KIF16B: variants seen among roughly 807,000 people sequenced by gnomAD.
KIF16B encodes the protein kinesin-like protein KIF16B.
A neutral mutation model predicts 156.3 loss-of-function variants in KIF16B; 98 were observed. That is an observed-to-expected ratio of 0.63 (90% CI 0.53 to 0.74). KIF16B has a LOEUF of 0.74. KIF16B is among the 30% of genes least tolerant of loss of function. The pLI, the probability that KIF16B is intolerant of heterozygous loss-of-function variation, is 0.00. For missense variants in KIF16B, 1,421 were observed against 1,606.5 expected, an observed-to-expected ratio of 0.88 and a Z score of 1.97; for synonymous variants, 564 against 583.7, an observed-to-expected ratio of 0.97 and a Z score of 0.49.
At chr20:16,358,626 G>A (rs1487603986) in intron 22 of KIF16B, among the ~76,000 whole-genome samples, 2 of 152,182 alleles carry the variant, frequency 1.3e-5, no homozygotes, top group Non-Finnish European at 2.9e-5. Context: ...AACTATGAAC[G>A]CAATGGTACC....
At chr20:16,392,351 TG>T (rs1200821154) in intron 17 of KIF16B, among the ~76,000 whole-genome samples, 1 of 152,186 alleles carries the variant, frequency 6.6e-6, no homozygotes, top group East Asian at 1.9e-4. Context: ...GAAATGTACA[TG>T]GGAAATTATC....
intron 25 of KIF16B, among the ~76,000 whole-genome samples, chr20:16,308,409 G>A (rs370712981): frequency 1.3e-5 from 2 of 152,188 alleles, no homozygotes; most frequent in African/African-American, 4.8e-5. Context: ...ACACTGTAGT[G>A]ATAACACTGG....
intron 17 of KIF16B, among the ~76,000 whole-genome samples, chr20:16,385,260 T>G (rs1466014837): frequency 6.6e-6 from 1 of 151,860 alleles, no homozygotes; most frequent in Non-Finnish European, 1.5e-5. Flanking sequence ...CTCAGAAATG[T>G]ATTATCCTGG....
intron 1 of KIF16B, 62 bp from the exon 2 acceptor site, chr20:16,528,502 C>T: frequency 1.7e-6 from 2 of 1,203,406 alleles, no homozygotes; most frequent in Non-Finnish European, 1.2e-6. Flanking sequence ...CAAAACAAAA[C>T]TAAACCCATT....
At chr20:16,406,495 C>A (rs780896150) in intron 15 of KIF16B, 39 bp from the exon 16 acceptor site, 17 of 1,540,864 alleles carry the variant, frequency 1.1e-5, no homozygotes, top group Admixed American at 1.7e-5. Flanking sequence ...TTACAGTAAG[C>A]AGTCTGGTCA....
intron 22 of KIF16B, among the ~76,000 whole-genome samples, chr20:16,369,839 A>G (rs1468142316): frequency 6.6e-6 from 1 of 152,210 alleles, no homozygotes. Flanking sequence ...TGCACCTGCT[A>G]TGTGCCAGGT....
At chr20:16,283,214 C>T (rs969607703) in intron 25 of KIF16B, among the ~76,000 whole-genome samples, 40 of 152,294 alleles carry the variant, frequency 2.6e-4, no homozygotes, top group African/African-American at 9.4e-4. Flanking sequence ...GAGAAAATTC[C>T]GGCTCCACCC....
At chr20:16,295,924 C>T (rs949578868) in intron 25 of KIF16B, among the ~76,000 whole-genome samples, 2 of 152,134 alleles carry the variant, frequency 1.3e-5, no homozygotes, top group African/African-American at 2.4e-5. Context: ...GGAAGGTAGT[C>T]AATGTTTTTT....
At chr20:16,362,739 G>A (rs987846364) in intron 22 of KIF16B, among the ~76,000 whole-genome samples, 11 of 152,114 alleles carry the variant, frequency 7.2e-5, no homozygotes, top group Non-Finnish European at 1.5e-4. Flanking sequence ...GGAGTTCCAC[G>A]TGAATTCCTA....
intron 24 of KIF16B, among the ~76,000 whole-genome samples, chr20:16,318,011 G>A (rs1289997220): frequency 1.3e-5 from 2 of 152,170 alleles, no homozygotes; most frequent in Non-Finnish European, 2.9e-5. Flanking sequence ...AAGAGAAGAT[G>A]TGTCTCAAAG....
At position 16,378,852 on chromosome 20, in the gene KIF16B, C is replaced by T. The variant is rs747250440; in HGVS notation, c.3150G>A (p.Gln1050=). 3.1e-6 allele frequency: 5 copies of T among 1,613,804 alleles called. No individual in the cohort carries two copies. Among genetic ancestry groups the T allele is most frequent in the African/African-American group, 2.7e-5 (2 of 74,938 alleles). Reference sequence around the variant, plus strand: ...CTTCCTGCTCAGCCTCCAGGCTAGCCTGGAGCCCTGACTGCTCTCTGCTGC... The same window carrying T: ...CTTCCTGCTCAGCCTCCAGGCTAGCTTGGAGCCCTGACTGCTCTCTGCTGC... ...NSGSREQSGL[Q]ASLEAEQEAL... Residue 1050 remains glutamine (Q), a synonymous_variant, in exon 19 of 26, where the codon CAG becomes CAA. Transcript: ENST00000354981.
intron 22 of KIF16B, among the ~76,000 whole-genome samples, chr20:16,358,837 T>A (rs1216614715): frequency 6.6e-6 from 1 of 152,256 alleles, no homozygotes; most frequent in Non-Finnish European, 1.5e-5. Flanking sequence ...CAATGGAGAC[T>A]TACCTTTGAC....
intron 1 of KIF16B, among the ~76,000 whole-genome samples, chr20:16,552,642 G>A (rs918881112): frequency 2.6e-5 from 4 of 152,102 alleles, no homozygotes; most frequent in South Asian, 2.1e-4. Flanking sequence ...ATCCTGACAC[G>A]CAGCCCAGAG....
intron 1 of KIF16B, among the ~76,000 whole-genome samples, chr20:16,537,206 C>A (rs973610764): frequency 2.6e-5 from 4 of 152,208 alleles, no homozygotes; most frequent in African/African-American, 9.7e-5. Context: ...GTCCAACTCT[C>A]AGTGCTACTA....
intron 15 of KIF16B, among the ~76,000 whole-genome samples, chr20:16,421,636 A>C (rs78787451): frequency 6.6e-6 from 1 of 152,160 alleles, no homozygotes; most frequent in African/African-American, 2.4e-5. Context: ...TTTTGGTCTT[A>C]AAGTATGTGT....
intron 12 of KIF16B, among the ~76,000 whole-genome samples, chr20:16,475,128 C>A (rs997129292): frequency 1.3e-5 from 2 of 152,192 alleles, no homozygotes; most frequent in Admixed American, 6.6e-5. Flanking sequence ...TTCTTCATCT[C>A]GAACTGAATA....
At chr20:16,329,076 A>G (rs893672954) in intron 24 of KIF16B, among the ~76,000 whole-genome samples, 1 of 152,188 alleles carries the variant, frequency 6.6e-6, no homozygotes, top group African/African-American at 2.4e-5. Context: ...ATCTCTTGGA[A>G]GCAGTAACTC....
intron 15 of KIF16B, among the ~76,000 whole-genome samples, chr20:16,415,669 T>C (rs544489994): frequency 1.3e-5 from 2 of 152,220 alleles, no homozygotes; most frequent in African/African-American, 4.8e-5. Flanking sequence ...CCATCCCCTT[T>C]CCAGTCTTAG....
Position 16,479,803 on chromosome 20 carries a change from G to A in KIF16B, c.1302+14488C>T, listed in dbSNP as rs190724520. Among the ~76,000 whole-genome samples the A allele has an allele frequency of 2.6e-3, 389 of 152,280 alleles. 1 individual carries two copies. Among genetic ancestry groups the A allele is most frequent in the Non-Finnish European group, 4.5e-3 (303 of 68,026 alleles). ...GGTGTATAGCAGGCCATACCATCTA[G>A]GTCTGTGTAAGTCACTCTATGATGT... On this transcript the variant is annotated intron_variant, in intron 12 of 25. Coordinates refer to ENST00000354981, the MANE Select transcript of KIF16B (RefSeq NM_024704.5).
Sources: allele counts gnomAD v4.1 joint callset (sites outside exome capture counted in the v4.1 genomes callset), GRCh38; gene constraint gnomAD v4.1.1; transcripts MANE v1.5; gene names NCBI Gene and HGNC (gene_info 2026-07-23, HGNC 2026-07-21).